The following IL17RD variants were observed in gnomAD, a reference collection of about 807,000 sequenced individuals.
IL17RD encodes the protein interleukin 17 receptor D, also known as interleukin-17 receptor D.
In IL17RD, 52 loss-of-function variants were observed where a neutral mutation model predicts 80.5. The ratio of observed to expected loss-of-function variants is 0.65; its 90% CI spans 0.52 to 0.81. IL17RD has a LOEUF of 0.81. Among genes scored for constraint, IL17RD ranks in the 40% least tolerant of loss-of-function variants. The pLI, the probability that IL17RD is intolerant of heterozygous loss-of-function variation, is 0.00. For synonymous variants in IL17RD, 416 were observed against 391.8 expected, an observed-to-expected ratio of 1.06 and a Z score of -0.73; for missense variants, 1,024 against 955.1, an observed-to-expected ratio of 1.07 and a Z score of -0.95.
chr3:57,105,884 TC>T lies in IL17RD; in HGVS notation c.719del (p.Gly240AspfsTer30). 2 of 1,613,884 alleles carry T rather than the reference TC, an allele frequency of 1.2e-6. No individual in the cohort carries two copies. Among genetic ancestry groups the T allele is most frequent in the Non-Finnish European group, 1.7e-6 (2 of 1,179,858 alleles). ...GCTTACAGGTCTTTCGCTTGAAAGG[TC>T]CTTCGTGCTTGAGCTTGTAGTGAAG... ...FYLHYKLKHE[G>X]PFKRKTCKQE... On this transcript the variant is annotated frameshift_variant, in exon 7 of 13. Coordinates refer to ENST00000296318, the MANE Select transcript of IL17RD (RefSeq NM_017563.5). LOFTEE classifies it high-confidence loss of function.
Position 57,104,422 on chromosome 3 carries a change from A to G in IL17RD, c.748-15T>C. 6.3e-7 allele frequency: 1 copy of G among 1,584,882 alleles called. No individual in the cohort carries two copies. Among genetic ancestry groups the G allele is most frequent in the Non-Finnish European group, 8.6e-7 (1 of 1,156,204 alleles). On this transcript the variant is annotated splice_polypyrimidine_tract_variant and intron_variant, in intron 7 of 12. Coordinates refer to ENST00000296318, the MANE Select transcript of IL17RD (RefSeq NM_017563.5). ...GTAGTTTGCTCCTGCAACAGACCAA[A>G]GAACACTTTAAAAACTCACTTCTTG...
chr3:57,123,498 C>A (rs1707383846), intron 1 of IL17RD, among the ~76,000 whole-genome samples: 2 of 152,216 alleles, frequency 1.3e-5, no homozygotes, highest in Admixed American at 6.5e-5. Flanking sequence ...AGGTCCCCTC[C>A]CCTGGTGGGC....
At position 57,152,759 on chromosome 3, in the gene IL17RD, G is replaced by A. The variant is rs77361426; in HGVS notation, c.126+12402C>T. Reference sequence around the variant, plus strand: ...TTAAACTAATGAAACTGTCTGTAACGGACTCTAATAAAATAATGTAGGTAA... The same window carrying A: ...TTAAACTAATGAAACTGTCTGTAACAGACTCTAATAAAATAATGTAGGTAA... On this transcript the variant is annotated intron_variant, in intron 1 of 12. Coordinates refer to ENST00000296318, the MANE Select transcript of IL17RD (RefSeq NM_017563.5). Among the ~76,000 whole-genome samples, 1,369 of 152,216 alleles carry A rather than the reference G, an allele frequency of 9.0e-3. 30 individuals are homozygous for A. The highest frequency in any genetic ancestry group is 0.031 in the African/African-American group (1,298 of 41,542).
At chr3:57,130,979 G>A (rs1559478735) in intron 1 of IL17RD, among the ~76,000 whole-genome samples, 1 of 152,222 alleles carries the variant, frequency 6.6e-6, no homozygotes, top group Non-Finnish European at 1.5e-5. Flanking sequence ...CCCAGGCCAG[G>A]CGCCTTTGTC....
intron 1 of IL17RD, among the ~76,000 whole-genome samples, chr3:57,132,287 A>G (rs1165556044): frequency 1.3e-5 from 2 of 151,428 alleles, no homozygotes; most frequent in Non-Finnish European, 1.5e-5. Context: ...CCTGGTCAAC[A>G]TGGCTAATAA....
chr3:57,100,809 A>G (rs1269855399), intron 11 of IL17RD, among the ~76,000 whole-genome samples: 1 of 152,146 alleles, frequency 6.6e-6, no homozygotes, highest in Non-Finnish European at 1.5e-5. Flanking sequence ...TGACTCTCCA[A>G]GTGGGGCTTC....
At chr3:57,122,186 T>A (rs1186067234) in intron 1 of IL17RD, among the ~76,000 whole-genome samples, 1 of 152,116 alleles carries the variant, frequency 6.6e-6, no homozygotes, top group African/African-American at 2.4e-5. Context: ...TAAGGATGAA[T>A]GAAGGATGGG....
rs187320157 is a variant in IL17RD, at chr3:57,146,951, A to C, written c.126+18210T>G. 3.5e-4 allele frequency among the ~76,000 whole-genome samples: 53 copies of C among 149,480 alleles called. 1 individual carries two copies. Among genetic ancestry groups the C allele is most frequent in the African/African-American group, 1.2e-3 (49 of 40,630 alleles). On this transcript the variant is annotated intron_variant, in intron 1 of 12. Transcript: ENST00000296318. ...ATTATCCTGCCTCAGCTTCCCGAGC[A>C]GCTGGGATTACAGGTGCCCAACAAC...
chr3:57,145,660 A>G (rs1559483321), intron 1 of IL17RD, among the ~76,000 whole-genome samples: 3 of 152,204 alleles, frequency 2.0e-5, no homozygotes, highest in Non-Finnish European at 4.4e-5. Context: ...GGGCAACTCA[A>G]TAAGGACACG....
chr3:57,125,859 G>A (rs924262876), intron 1 of IL17RD, among the ~76,000 whole-genome samples: 8 of 152,176 alleles, frequency 5.3e-5, no homozygotes, highest in Non-Finnish European at 1.0e-4. Flanking sequence ...CAAAACCCCT[G>A]CCTACAGTCC....
upstream of IL17RD, chr3:57,165,368 G>C: frequency 8.8e-7 from 1 of 1,142,302 alleles, no homozygotes; most frequent in Non-Finnish European, 1.1e-6. Flanking sequence ...GGTGGCCGCG[G>C]CGGCCGCGGC....
rs180733900 is a variant in IL17RD, at chr3:57,148,590, T to C, written c.126+16571A>G. On this transcript the variant is annotated intron_variant, in intron 1 of 12. Coordinates refer to ENST00000296318, the MANE Select transcript of IL17RD (RefSeq NM_017563.5). ...ACACTCCCTGAATCTCATTCTTTTA[T>C]AACACATTTGGAAAAGTAACACTAA... 1.2e-4 allele frequency among the ~76,000 whole-genome samples: 18 copies of C among 152,304 alleles called. No individual in the cohort carries two copies. In the East Asian group the frequency reaches 2.7e-3, roughly 23 times the overall value.
At chr3:57,157,473 C>CA (rs35604505) in intron 1 of IL17RD, among the ~76,000 whole-genome samples, 1 of 151,922 alleles carries the variant, frequency 6.6e-6, no homozygotes, top group East Asian at 1.9e-4. Context: ...GGTGGCTGCT[C>CA]AAAAAAAGGG....
Position 57,155,736 on chromosome 3 carries a change from G to A in IL17RD, c.126+9425C>T, listed in dbSNP as rs917806793. Among the ~76,000 whole-genome samples, 6 of 152,256 alleles carry A rather than the reference G, an allele frequency of 3.9e-5. No homozygotes were observed. The East Asian group carries it at 5.8e-4, about 15-fold the overall frequency. On this transcript the variant is annotated intron_variant, in intron 1 of 12. Transcript: ENST00000296318. The stretch of plus-strand genomic sequence containing the variant: ...CTCCTGAGTAGCTAGGATTACAGGT[G>A]CACATCACCATACCCAGCTAATTTA...
At position 57,092,310 on chromosome 3, in the gene IL17RD, C is replaced by G. The variant is rs904584731; in HGVS notation, c.*4083G>C. 1 of 152,756 alleles carries G rather than the reference C, an allele frequency of 6.5e-6. No individual in the cohort carries two copies. The highest frequency in any genetic ancestry group is 1.5e-5 in the Non-Finnish European group (1 of 68,070). 9.5% of individuals were successfully genotyped at this position (152,756 alleles called of 1,614,324 possible). On this transcript the variant is annotated 3_prime_UTR_variant, in exon 13 of 13. Coordinates refer to ENST00000296318, the MANE Select transcript of IL17RD (RefSeq NM_017563.5). ...TGGAGTTTAAATGAAATTGTTAGGC[C>G]GGGCGCAGTGGCTCACGCCTGTAAT...
chr3:57,106,348 A>G lies in IL17RD; in HGVS notation c.551-194T>C, dbSNP rs139044337. Among the ~76,000 whole-genome samples, 54 of 152,358 alleles carry G rather than the reference A, an allele frequency of 3.5e-4. 1 individual carries two copies. Among genetic ancestry groups the G allele is most frequent in the African/African-American group, 1.2e-3 (49 of 41,590 alleles). On this transcript the variant is annotated intron_variant, in intron 5 of 12. Coordinates refer to ENST00000296318, the MANE Select transcript of IL17RD (RefSeq NM_017563.5). ...AATTTAAATGGTATAATATAAAAAT[A>G]TTAATGCAGTTCACTTTATGCCACA...
At chr3:57,137,581 A>T (rs1345157219) in intron 1 of IL17RD, among the ~76,000 whole-genome samples, 1 of 152,228 alleles carries the variant, frequency 6.6e-6, no homozygotes, top group East Asian at 1.9e-4. Flanking sequence ...GACACTTATA[A>T]AACAGAAGAC....
chr3:57,123,020 A>G (rs1707374190), intron 1 of IL17RD, among the ~76,000 whole-genome samples: 1 of 152,098 alleles, frequency 6.6e-6, no homozygotes. Context: ...GCAATGGCCA[A>G]TGCATTGTGG....
In IL17RD at chr3:57,105,468, C is replaced by T. The variant is rs551226919; in HGVS notation, c.747+389G>A. Reference sequence around the variant, plus strand: ...AGGAGAATCGTTTGAACCCAGGAGGCGGAGGCTGCAGCGAGCCAAGATCAC... The same window carrying T: ...AGGAGAATCGTTTGAACCCAGGAGGTGGAGGCTGCAGCGAGCCAAGATCAC... On this transcript the variant is annotated intron_variant, in intron 7 of 12. Transcript: ENST00000296318. 6.5e-5 allele frequency among the ~76,000 whole-genome samples: 9 copies of T among 139,354 alleles called. No individual in the cohort carries two copies. In the East Asian group the frequency reaches 1.4e-3, roughly 22 times the overall value. The allele number at this position is 139,354 out of a possible 152,430, so 91.4% of individuals were successfully genotyped here.
Sources: gnomAD v4.1 joint callset for allele counts (sites outside exome capture counted in the v4.1 genomes callset) on GRCh38, gnomAD v4.1.1 for gene constraint, MANE v1.5 for transcripts, NCBI Gene and HGNC (gene_info 2026-07-23, HGNC 2026-07-21) for gene names.